Variants in USP39 observed in about 807,000 individuals in gnomAD.
The protein encoded by USP39 is ubiquitin specific peptidase 39, also known as ubiquitin carboxyl-terminal hydrolase 39.
In USP39, 38 loss-of-function variants were observed where a neutral mutation model predicts 66.4. The ratio of observed to expected loss-of-function variants is 0.57; its 90% CI spans 0.44 to 0.75. The LOEUF (loss-of-function observed/expected upper bound fraction) is 0.75. Ranked by LOEUF, USP39 falls within the 30% of genes least tolerant of loss-of-function variation. The pLI is 0.00. For synonymous variants in USP39, 303 were observed against 274.6 expected (o/e 1.10, Z -1.02); for missense variants, 608 against 714.4 (o/e 0.85, Z 1.70).
intron 1 of USP39, 74 bp downstream of exon 1, chr2:85,616,537 C>T (rs1178951976): frequency 6.5e-6 from 7 of 1,076,252 alleles, no homozygotes; most frequent in African/African-American, 1.9e-5. Context: ...TCTAATCTTC[C>T]GCTAGGTCAC....
In USP39 at chr2:85,616,421, C is replaced by T. The variant is rs370005784; in HGVS notation, c.226C>T (p.Arg76Cys). The T allele has an allele frequency of 4.2e-5, 67 of 1,592,734 alleles. No individual in the cohort carries two copies. Among genetic ancestry groups the T allele is most frequent in the Non-Finnish European group, 5.1e-5 (60 of 1,167,954 alleles). Reference protein sequence around the residue: ...VVPFVRVKREREVDEDSEPER... With the variant: ...VVPFVRVKRECEVDEDSEPER... ...CCCGTTTGTGCGGGTGAAGCGGGAG[C>T]GCGAGGTCGATGAGGACTCGGAGCC... Residue 76 changes from arginine to cysteine, a missense_variant, in exon 1 of 13, where the codon CGC (arginine) becomes TGC (cysteine). Coordinates refer to ENST00000323701, the MANE Select transcript of USP39 (RefSeq NM_006590.4).
At chr2:85,605,923 T>C (rs1124836) in intron 1 of USP39, among the ~76,000 whole-genome samples, 12,583 of 152,222 alleles carry the variant, frequency 0.083, 1,072 homozygotes, top group East Asian at 0.31. Context: ...ACAAAAAGCT[T>C]TACATTCTTT....
intron 5 of USP39, among the ~76,000 whole-genome samples, chr2:85,628,776 G>A (rs577704226): frequency 6.6e-6 from 1 of 152,234 alleles, no homozygotes; most frequent in South Asian, 2.1e-4. Flanking sequence ...TCTCTTTTTA[G>A]TAATTATTCT....
At chr2:85,603,240 G>A (rs1046786259) in intron 1 of USP39, 9 of 152,238 alleles carry the variant, frequency 5.9e-5, no homozygotes, top group African/African-American at 1.9e-4. Flanking sequence ...AGCAAACTCC[G>A]GAGGAGGGCT....
intron 5 of USP39, among the ~76,000 whole-genome samples, chr2:85,628,938 C>T (rs1455222976): frequency 6.6e-6 from 1 of 152,102 alleles, no homozygotes; most frequent in East Asian, 1.9e-4. Context: ...TAGCTGACTC[C>T]CTGAATGGAT....
At chr2:85,607,970 TCTGG>T (rs1673279238), upstream of USP39, 1 of 152,260 alleles carries the variant, frequency 6.6e-6, no homozygotes, top group Admixed American at 6.5e-5. Context: ...TTTCATTCCC[TCTGG>T]CGTGCTGTCA....
At chr2:85,618,753 C>T (rs868610840) in intron 1 of USP39, among the ~76,000 whole-genome samples, 54 of 151,628 alleles carry the variant, frequency 3.6e-4, no homozygotes, top group African/African-American at 1.3e-3. Context: ...GTGGCTTGTT[C>T]TATTAGTGGG....
At chr2:85,612,309 A>G, upstream of USP39, 1 of 1,535,924 alleles carries the variant, frequency 6.5e-7, no homozygotes, top group Non-Finnish European at 8.7e-7. Flanking sequence ...AATGCAAATC[A>G]TCTATAACAC....
At chr2:85,605,050 T>C (rs1673167965) in intron 1 of USP39, among the ~76,000 whole-genome samples, 1 of 152,216 alleles carries the variant, frequency 6.6e-6, no homozygotes, top group South Asian at 2.1e-4. Context: ...TAGGACCAGA[T>C]GTCTTTAAAA....
rs1418510921 is a variant in USP39, at chr2:85,602,970, G to GGGA, written n.116_118dup. On this transcript the variant is annotated non_coding_transcript_exon_variant, in exon 1 of 13. Transcript: ENST00000459775. This position sits in a 1 kb window ranked among gnomAD's most constrained non-coding sequence, Gnocchi z 5.6. Reference sequence around the variant, plus strand: ...CCTGCCGGGGAAGCGTCAGCAGGTGGGGATCTCGGGGCAGCCTGCATTCCA... The same window carrying GGGA: ...CCTGCCGGGGAAGCGTCAGCAGGTGGGGAGGATCTCGGGGCAGCCTGCATTCCA... The GGGA allele has an allele frequency of 7.7e-6, 1 of 129,516 alleles. No individual in the cohort carries two copies. Among genetic ancestry groups the GGGA allele is most frequent in the Non-Finnish European group, 1.7e-5 (1 of 57,350 alleles). 8.0% of individuals were successfully genotyped at this position (129,516 alleles called of 1,614,324 possible). A position where few individuals can be genotyped will look rare whatever the true frequency, so the allele number is the denominator to read the frequency against.
chr2:85,628,599 G>A (rs1370340558), intron 5 of USP39, among the ~76,000 whole-genome samples: 3 of 152,058 alleles, frequency 2.0e-5, no homozygotes, highest in Admixed American at 6.6e-5. Context: ...CACTAAAATA[G>A]GGTTGACTGG....
In USP39 at chr2:85,630,726, A is replaced by G. The variant is rs1675253696; in HGVS notation, c.729A>G (p.Leu243=). The change falls in exon 6 of 13, where the codon CTA becomes CTG. Residue 243 remains leucine (L), a synonymous_variant. Transcript: ENST00000323701. The part of the protein sequence containing the change: ...NDYANAVLQA[L]SNVPPLRNYF... ...TCGGAGTGTTTGATTTTTAGGCTCT[A>G]TCTAATGTTCCTCCTCTCCGGAACT... 1.9e-6 allele frequency: 3 copies of G among 1,614,152 alleles called. No homozygotes were observed. Among genetic ancestry groups the G allele is most frequent in the Admixed American group, 3.3e-5 (2 of 60,016 alleles).
intron 11 of USP39, among the ~76,000 whole-genome samples, chr2:85,646,588 T>A (rs1315055798): frequency 6.6e-6 from 1 of 152,224 alleles, no homozygotes; most frequent in East Asian, 1.9e-4. Context: ...ACTTATGTGA[T>A]CCTGAGCTTT....
At chr2:85,629,427 T>C (rs576917397) in intron 5 of USP39, among the ~76,000 whole-genome samples, 32 of 152,236 alleles carry the variant, frequency 2.1e-4, no homozygotes, top group African/African-American at 7.7e-4. Flanking sequence ...ATACGGCTAG[T>C]TTTTATCTTT....
chr2:85,616,176 C>A (rs1229399174), upstream of USP39: 1 of 1,402,132 alleles, frequency 7.1e-7, no homozygotes, highest in Non-Finnish European at 9.3e-7. Context: ...CTGCGCTGGA[C>A]GACTCGGCCG....
intron 3 of USP39, among the ~76,000 whole-genome samples, chr2:85,623,152 C>G (rs192743340): frequency 2.4e-4 from 37 of 152,146 alleles, no homozygotes; most frequent in African/African-American, 8.7e-4. Flanking sequence ...AAAGGAGTAG[C>G]AACATGAAAA....
At chr2:85,640,048 AT>A (rs150323946) in intron 9 of USP39, among the ~76,000 whole-genome samples, 11,584 of 151,696 alleles carry the variant, frequency 0.076, 1,494 homozygotes, top group African/African-American at 0.27. Context: ...CCAACTAAGT[AT>A]TTTTGTAGAG....
In USP39 at chr2:85,639,398, C is replaced by T. The variant is rs1331797445; in HGVS notation, c.1284+7C>T. 1.9e-6 allele frequency: 3 copies of T among 1,610,698 alleles called. No individual in the cohort carries two copies. Among genetic ancestry groups the T allele is most frequent in the Admixed American group, 1.7e-5 (1 of 59,758 alleles). On this transcript the variant is annotated splice_region_variant and intron_variant, in intron 9 of 12. Coordinates refer to ENST00000323701, the MANE Select transcript of USP39 (RefSeq NM_006590.4). Reference sequence around the variant, plus strand: ...CAATGGCATCACTGAGAAGGTAGCCCATTAACACACCTGCCCTGCCTATAC... The same window carrying T: ...CAATGGCATCACTGAGAAGGTAGCCTATTAACACACCTGCCCTGCCTATAC...
upstream of USP39, chr2:85,616,092 G>A (rs1164392976): frequency 5.9e-6 from 8 of 1,348,744 alleles, no homozygotes; most frequent in Non-Finnish European, 7.6e-6. Context: ...GTGGCGACTC[G>A]TAGAGAGTTC....
Sources: gnomAD v4.1 joint callset for allele counts (sites outside exome capture counted in the v4.1 genomes callset) on GRCh38, gnomAD v4.1.1 for gene constraint, Gnocchi (gnomAD v3.1) non-coding constraint, MANE v1.5 for transcripts, NCBI Gene and HGNC (gene_info 2026-07-23, HGNC 2026-07-21) for gene names.